Variants in FTSJ3 observed in about 807,000 individuals in gnomAD.
FTSJ3 encodes pre-rRNA 2'-O-ribose RNA methyltransferase FTSJ3.
In FTSJ3, 46 loss-of-function variants were observed where a neutral mutation model predicts 111.5. That is an observed-to-expected ratio of 0.41 (90% CI 0.33 to 0.53). The LOEUF (loss-of-function observed/expected upper bound fraction) is 0.53, where lower values mean the gene tolerates loss of function less well. FTSJ3 is among the 20% of genes least tolerant of loss of function. The pLI is 0.19. For synonymous variants in FTSJ3, 408 were observed against 383.0 expected, an observed-to-expected ratio of 1.07 and a Z score of -0.76; for missense variants, 1,075 against 1,063.8, an observed-to-expected ratio of 1.01 and a Z score of -0.15.
chr17:63,824,976 C>CT (rs1567753836), intron 8 of FTSJ3, 47 bp from the exon 9 acceptor site: 9 of 1,582,136 alleles, frequency 5.7e-6, no homozygotes, highest in Non-Finnish European at 7.8e-6. Flanking sequence ...TCTAAGGTAC[C>CT]TGTAGGACCC....
In FTSJ3 at chr17:63,826,933, G is replaced by A; in HGVS notation, c.-26-5C>T. The A allele has an allele frequency of 2.5e-6, 4 of 1,585,534 alleles. No homozygotes were observed. The highest frequency in any genetic ancestry group is 1.1e-5 in the South Asian group (1 of 90,526). On this transcript the variant is annotated splice_region_variant and splice_polypyrimidine_tract_variant and intron_variant, in intron 1 of 20. Transcript: ENST00000427159. ...AAAGGGGGAGTATCCCTCAATCTGG[G>A]GAGAAAGTAGAAGTTGGGAACGTCT...
rs1237725272 is a variant in FTSJ3, at chr17:63,821,053, T to C, written c.1949A>G (p.Glu650Gly). 1 of 1,614,016 alleles carries C rather than the reference T, an allele frequency of 6.2e-7. No individual in the cohort carries two copies. The highest frequency in any genetic ancestry group is 1.3e-5 in the African/African-American group (1 of 74,900). Residue 650 changes from glutamate to glycine, a missense_variant, in exon 17 of 21, where the codon GAG becomes GGG. Physicochemically the swap from Glu to Gly is moderately conservative, Grantham distance 98. Coordinates refer to ENST00000427159, the MANE Select transcript of FTSJ3 (RefSeq NM_017647.4). ...ACCTGGGTCCTCAATAGGCACTATC[T>C]CAAACCCGTCATCATCTGACTTAGG... is the stretch of plus-strand genomic sequence containing the variant. ...RGPKSDDDGF[E>G]IVPIEDPAKH...
In FTSJ3 at chr17:63,821,090, GCTT is replaced by G. The variant is rs1567751480; in HGVS notation, c.1909_1911del (p.Lys637del). 6.2e-7 allele frequency: 1 copy of G among 1,614,084 alleles called. No individual in the cohort carries two copies. Among genetic ancestry groups the G allele is most frequent in the Middle Eastern group, 1.7e-4 (1 of 6,052 alleles). On this transcript the variant is annotated inframe_deletion, in exon 17 of 21. Transcript: ENST00000427159. ...TCATCTGACTTAGGCCCACGGCTTC[GCTT>G]CTTACCACGGAGGGGTTCCCAGCTG... is the stretch of plus-strand genomic sequence containing the variant.
chr17:63,821,705 C>G lies in FTSJ3; in HGVS notation c.1596+18G>C. 6.2e-7 allele frequency: 1 copy of G among 1,614,162 alleles called. No individual in the cohort carries two copies. Among genetic ancestry groups the G allele is most frequent in the Non-Finnish European group, 8.5e-7 (1 of 1,179,996 alleles). On this transcript the variant is annotated intron_variant, in intron 15 of 20. Transcript: ENST00000427159. ...GAAGACTCATCTCCCCGCAGTCTTG[C>G]CCCCGGCCTCTCCTTACCTTTGAGA... is the stretch of plus-strand genomic sequence containing the variant.
Position 63,827,246 on chromosome 17 carries a change from A to C in FTSJ3, c.-221T>G. 1.6e-6 allele frequency: 1 copy of C among 610,982 alleles called. No individual in the cohort carries two copies. Among genetic ancestry groups the C allele is most frequent in the South Asian group, 2.0e-5 (1 of 50,458 alleles). The allele number at this position is 610,982 out of a possible 1,614,324, so 37.8% of individuals were successfully genotyped here. On this transcript the variant is annotated 5_prime_UTR_variant, in exon 1 of 21. Coordinates refer to ENST00000427159, the MANE Select transcript of FTSJ3 (RefSeq NM_017647.4). ...GAGACTAGGAAGGCATATCACAAGA[A>C]CTATAAACAGAGTTTCAATGAGGCA...
Position 63,820,852 on chromosome 17 carries a change from T to TA in FTSJ3, c.2058dup (p.Asn687Ter). On this transcript the variant is annotated frameshift_variant, in exon 18 of 21. Transcript: ENST00000427159. LOFTEE classifies it high-confidence loss of function. ...TGGCCCCTTTACCGGTTGAAGGAGT[T>TA]ATCTATGAGGTCTCTCTTGGCCTTT... 6.2e-7 allele frequency: 1 copy of TA among 1,612,710 alleles called. No homozygotes were observed. Among genetic ancestry groups the TA allele is most frequent in the Non-Finnish European group, 8.5e-7 (1 of 1,178,788 alleles).
In FTSJ3 at chr17:63,827,492, T is replaced by C; in HGVS notation, c.-467A>G. ...GGCGGTCTCTGCTGAAGAGAGAAGATGGCGCTTGACGGACCAGAGCAGGTA... is the reference window on the plus strand; with the variant it reads ...GGCGGTCTCTGCTGAAGAGAGAAGACGGCGCTTGACGGACCAGAGCAGGTA... On this transcript the variant is annotated 5_prime_UTR_variant, in exon 1 of 21. Coordinates refer to ENST00000427159, the MANE Select transcript of FTSJ3 (RefSeq NM_017647.4). The C allele has an allele frequency of 6.4e-7, 1 of 1,551,718 alleles. No homozygotes were observed. The highest frequency in any genetic ancestry group is 8.7e-7 in the Non-Finnish European group (1 of 1,147,000).
rs576628743 is a variant in FTSJ3, at chr17:63,823,190, G to A, written c.1290+627C>T. Reference sequence around the variant, plus strand: ...GCTCACTTGGTCTCAATGAACTAAAGAATGCTGCTCCCCTCTGAGGGAGAT... The same window carrying A: ...GCTCACTTGGTCTCAATGAACTAAAAAATGCTGCTCCCCTCTGAGGGAGAT... On this transcript the variant is annotated intron_variant, in intron 13 of 20. Transcript: ENST00000427159. Among the ~76,000 whole-genome samples the A allele has an allele frequency of 9.8e-5, 15 of 152,348 alleles. 1 individual carries two copies. Among genetic ancestry groups the A allele is most frequent in the African/African-American group, 2.6e-4 (11 of 41,590 alleles).
At chr17:63,826,696 A>G (rs780649460) in intron 2 of FTSJ3, 24 bp from the exon 3 acceptor site, 3 of 1,594,542 alleles carry the variant, frequency 1.9e-6, no homozygotes, top group South Asian at 2.2e-5. Flanking sequence ...CCAAGTGCGC[A>G]AACTGCTTCA....
At chr17:63,821,684 A>T (rs2040053418) in intron 15 of FTSJ3, 39 bp downstream of exon 15, 2 of 1,613,748 alleles carry the variant, frequency 1.2e-6, no homozygotes, top group Non-Finnish European at 1.7e-6. Flanking sequence ...CCCAAGGAAG[A>T]CTCATCTCCC....
Position 63,821,008 on chromosome 17 carries a change from C to T in FTSJ3, c.1972+22G>A, listed in dbSNP as rs201739351. 1.3e-5 allele frequency: 21 copies of T among 1,612,622 alleles called. No individual in the cohort carries two copies. In the Admixed American group the frequency reaches 2.5e-4, roughly 19 times the overall value. ...AGACTTCCAGTGGTCTTTTCTCATT[C>T]CACTGCATACAGAGCTCTCACCTGG... On this transcript the variant is annotated intron_variant, in intron 17 of 20. Coordinates refer to ENST00000427159, the MANE Select transcript of FTSJ3 (RefSeq NM_017647.4).
rs1429370132 is a variant in FTSJ3 at position 63,824,629 on chromosome 17, C to T, written c.917+8G>A. 1.2e-6 allele frequency: 2 copies of T among 1,610,592 alleles called. No individual in the cohort carries two copies. Among genetic ancestry groups the T allele is most frequent in the Non-Finnish European group, 1.7e-6 (2 of 1,176,856 alleles). On this transcript the variant is annotated splice_region_variant and intron_variant, in intron 10 of 20. Coordinates refer to ENST00000427159, the MANE Select transcript of FTSJ3 (RefSeq NM_017647.4). ...GCTCCTGGCCCCCGTGCCTACCCCACTCCATACCTGAGCTCCTTGCGCCCC... is the reference window on the plus strand; with the variant it reads ...GCTCCTGGCCCCCGTGCCTACCCCATTCCATACCTGAGCTCCTTGCGCCCC...
rs546579575 is a variant in FTSJ3 at position 63,821,541 on chromosome 17, T to G, written c.1699A>C (p.Lys567Gln). 94 of 1,614,004 alleles carry G rather than the reference T, an allele frequency of 5.8e-5. No individual in the cohort carries two copies. In the South Asian group the frequency reaches 9.0e-4, roughly 15 times the overall value. The change falls in exon 16 of 21, where the codon AAG becomes CAG. Residue 567 changes from lysine to glutamine, a missense_variant. Coordinates refer to ENST00000427159, the MANE Select transcript of FTSJ3 (RefSeq NM_017647.4). Reference protein sequence around the residue: ...NRRKGRQQQQKQQLPQTPPSC... With the variant: ...NRRKGRQQQQQQQLPQTPPSC... ...GGGGGTGTCTGTGGCAGCTGCTGCTTCTGCTGCTGCTGCCGTCCCTTCCGC... is the reference window on the plus strand; with the variant it reads ...GGGGGTGTCTGTGGCAGCTGCTGCTGCTGCTGCTGCTGCCGTCCCTTCCGC...
At chr17:63,822,455 CAT>C (rs926286418) in intron 13 of FTSJ3, among the ~76,000 whole-genome samples, 2 of 152,204 alleles carry the variant, frequency 1.3e-5, no homozygotes, top group African/African-American at 4.8e-5. Flanking sequence ...CAAATCTTAA[CAT>C]ATTCTACAAC....
rs752807115 is a variant in FTSJ3, at chr17:63,821,569, G to A, written c.1671C>T (p.Asn557=). ...EISQAQLLFE[N]RRKGRQQQQK... is the part of the protein sequence containing the mutation. ...GCTGCTGCTGCCGTCCCTTCCGCCG[G>A]TTCTCAAATAACAGCTGGGCCTGAC... Residue 557 remains asparagine, a synonymous_variant, in exon 16 of 21, where the codon AAC becomes AAT. Transcript: ENST00000427159. The A allele has an allele frequency of 9.9e-6, 16 of 1,613,946 alleles. No individual in the cohort carries two copies. The highest frequency in any genetic ancestry group is 1.4e-5 in the Non-Finnish European group (16 of 1,180,030).
At chr17:63,824,520 G>A (rs752621) in intron 10 of FTSJ3, 109 bp from the exon 11 acceptor site, 1 of 1,442,780 alleles carries the variant, frequency 6.9e-7, no homozygotes, top group Admixed American at 1.7e-5. Context: ...TAAATCAAAA[G>A]GCTCAGGCCC....
Position 63,824,233 on chromosome 17 carries a change from G to A in FTSJ3, c.1005C>T (p.Ser335=), listed in dbSNP as rs1259553338. The change falls in exon 12 of 21, where the codon AGC becomes AGT. Residue 335 remains serine, a synonymous_variant. Transcript: ENST00000427159. ...CATCACCTTCATCTTCCTCTCCAGA[G>A]CTGAGGCTGGCAAAACAGTCCCAAG... is the stretch of plus-strand genomic sequence containing the variant. ...EQAKALDISL[S]SGEEDEGDEE... The A allele has an allele frequency of 3.1e-6, 5 of 1,614,138 alleles. No individual in the cohort carries two copies. Among genetic ancestry groups the A allele is most frequent in the Non-Finnish European group, 3.4e-6 (4 of 1,180,034 alleles).
chr17:63,824,650 G>A lies in FTSJ3; in HGVS notation c.904C>T (p.Arg302Cys), dbSNP rs771207063. 1.7e-5 allele frequency: 27 copies of A among 1,613,598 alleles called. No homozygotes were observed. Among genetic ancestry groups the A allele is most frequent in the African/African-American group, 8.0e-5 (6 of 74,902 alleles). Residue 302 changes from arginine (R) to cysteine (C), a missense_variant, in exon 10 of 21, where the codon CGC becomes TGC. Physicochemically the swap from Arg to Cys is radical, Grantham distance 180 (BLOSUM62 -3). Transcript: ENST00000427159. ...CCCACTCCATACCTGAGCTCCTTGC[G>A]CCCCAACACTCTGATGTCCTGACAG... ...VCCQDIRVLG[R>C]KELRSLLNWR...
intron 15 of FTSJ3, 36 bp from the exon 16 acceptor site, chr17:63,821,679 G>A (rs930012302): frequency 6.2e-7 from 1 of 1,613,946 alleles, no homozygotes; most frequent in Non-Finnish European, 8.5e-7. Flanking sequence ...CTTCTCCCAA[G>A]GAAGACTCAT....
Sources: gnomAD v4.1 joint callset for allele counts (sites outside exome capture counted in the v4.1 genomes callset) on GRCh38, gnomAD v4.1.1 for gene constraint, MANE v1.5 for transcripts, NCBI Gene and HGNC (gene_info 2026-07-23, HGNC 2026-07-21) for gene names.